Variants in ARHGAP11A observed in about 807,000 individuals in gnomAD.
ARHGAP11A encodes the protein rho GTPase-activating protein 11A.
In ARHGAP11A, 36 loss-of-function variants were observed where a neutral mutation model predicts 60.5. The observed-to-expected ratio is 0.59, with a 90% CI of 0.46 to 0.79. The LOEUF is 0.79. ARHGAP11A is among the 30% of genes least tolerant of loss of function. ARHGAP11A has a pLI of 0.00. For synonymous variants in ARHGAP11A, 362 were observed against 415.5 expected (o/e 0.87, Z 1.57); for missense variants, 1,071 against 1,199.2 (o/e 0.89, Z 1.58).
intron 8 of ARHGAP11A, among the ~76,000 whole-genome samples, chr15:32,631,599 C>T (rs546789759): frequency 5.9e-5 from 9 of 152,188 alleles, no homozygotes; most frequent in Non-Finnish European, 1.3e-4. Context: ...CATGCCTGGC[C>T]ATAATTTTCT....
intron 1 of ARHGAP11A, among the ~76,000 whole-genome samples, chr15:32,617,993 A>C (rs529862426): frequency 5.3e-5 from 8 of 152,322 alleles, no homozygotes; most frequent in East Asian, 1.9e-4. Context: ...CAGTGCGGGT[A>C]ACATGCCACT....
At position 32,625,537 on chromosome 15, in the gene ARHGAP11A, G is replaced by A. The variant is rs539857136; in HGVS notation, c.766G>A (p.Asp256Asn). The A allele has an allele frequency of 7.3e-5, 118 of 1,613,914 alleles. No individual in the cohort carries two copies. The highest frequency in any genetic ancestry group is 9.3e-5 in the Non-Finnish European group (110 of 1,179,820). ...LEKIPAMLGI[D>N]GLCATPSLEG... ...AAAGATACCAGCCATGTTGGGTATTGATGGTCTCTGTGCTACTCCATCACT... is the reference window on the plus strand; with the variant it reads ...AAAGATACCAGCCATGTTGGGTATTAATGGTCTCTGTGCTACTCCATCACT... Residue 256 changes from aspartate to asparagine, a missense_variant, in exon 6 of 12, where the codon GAT (aspartate) becomes AAT (asparagine). Physicochemically the swap from Asp to Asn is conservative, Grantham distance 23 (BLOSUM62 1). Coordinates refer to ENST00000361627, the MANE Select transcript of ARHGAP11A (RefSeq NM_014783.6).
chr15:32,618,765 C>T (rs1045713565), intron 1 of ARHGAP11A, among the ~76,000 whole-genome samples: 1 of 140,546 alleles, frequency 7.1e-6, no homozygotes, highest in Non-Finnish European at 1.6e-5. Context: ...GAAACCCCCC[C>T]CCCCCCGCCC....
Position 32,625,115 on chromosome 15 carries a change from C to A in ARHGAP11A, c.587C>A (p.Ala196Glu), listed in dbSNP as rs1218885426. 3.7e-6 allele frequency: 6 copies of A among 1,613,880 alleles called. No individual in the cohort carries two copies. The South Asian group carries it at 6.6e-5, about 18-fold the overall frequency. ...AATAAGATGGACAGCAGCAATCTTG[C>A]AGTAATATTTGCACCGAATCTTCTT... ...SENKMDSSNL[A>E]VIFAPNLLQT... is the part of the protein sequence containing the mutation. Residue 196 changes from alanine to glutamate, a missense_variant, in exon 5 of 12, where the codon GCA (alanine) becomes GAA (glutamate). Around this residue, in one of 4 missense-constraint regions of ARHGAP11A, gnomAD observed 196 missense variants for 272.1 expected, o/e 0.72. Transcript: ENST00000361627.
At position 32,637,209 on chromosome 15, in the gene ARHGAP11A, G is replaced by A. The variant is rs375541956; in HGVS notation, c.2436G>A (p.Gln812=). The stretch of plus-strand genomic sequence containing the variant: ...ATAGAAAGGTTTCTGATCACATACA[G>A]TGGTTTAACAAGCTTTCTTTAAATG... The part of the protein sequence containing the change: ...TEHRKVSDHI[Q]WFNKLSLNEP... The change falls in exon 12 of 12, where the codon CAG becomes CAA. Residue 812 remains glutamine (Q), a synonymous_variant. Transcript: ENST00000361627. The A allele has an allele frequency of 6.1e-5, 99 of 1,614,124 alleles. No homozygotes were observed. In the African/African-American group the frequency reaches 1.2e-3, roughly 19 times the overall value.
Position 32,633,106 on chromosome 15 carries a change from C to T in ARHGAP11A, c.1233C>T (p.Cys411=). 2.5e-6 allele frequency: 4 copies of T among 1,613,860 alleles called. No individual in the cohort carries two copies. Among genetic ancestry groups the T allele is most frequent in the Middle Eastern group, 1.7e-4 (1 of 6,054 alleles). Residue 411 remains cysteine, a splice_region_variant and synonymous_variant, in exon 9 of 12, where the codon TGC becomes TGT. Transcript: ENST00000361627. The stretch of plus-strand genomic sequence containing the variant: ...AAAGAATTGCAGGCAAAAAAGTTTG[C>T]AGGTACTTTATCCAGGACATTTTGT... ...RSKRIAGKKV[C]RVESGKAGCF...
chr15:32,637,827 T>C lies in ARHGAP11A; in HGVS notation c.3054T>C (p.Ser1018=). 6.3e-7 allele frequency: 1 copy of C among 1,597,772 alleles called. No homozygotes were observed. The highest frequency in any genetic ancestry group is 8.5e-7 in the Non-Finnish European group (1 of 1,174,334). ...GAAAAACTCAATTACTACCAACAAG[T>C]AAACCTGTAGATTTGTAATTGGTAA... ...PIGKTQLLPT[S]KPVDL The change falls in exon 12 of 12, where the codon AGT becomes AGC. Residue 1018 remains serine (S), a synonymous_variant. Transcript: ENST00000361627.
At position 32,615,589 on chromosome 15, in the gene ARHGAP11A, G is replaced by A. The variant is rs531229263; in HGVS notation, c.-623G>A. ...ACGGCTTGGCTTCAGTGAACGCACC[G>A]GGATGTGCAGGCCGGGAGGTAGAGG... On this transcript the variant is annotated 5_prime_UTR_variant, in exon 1 of 12. Transcript: ENST00000361627. 5.8e-3 allele frequency: 881 copies of A among 152,702 alleles called. 9 individuals carry two copies. Among genetic ancestry groups the A allele is most frequent in the South Asian group, 0.013 (65 of 4,848 alleles). The allele number at this position is 152,702 out of a possible 1,614,324, so 9.5% of individuals were successfully genotyped here. A position where few individuals can be genotyped will look rare whatever the true frequency, so the allele number is the denominator to read the frequency against.
chr15:32,627,514 G>C (rs1213084841), intron 6 of ARHGAP11A, among the ~76,000 whole-genome samples: 1 of 151,998 alleles, frequency 6.6e-6, no homozygotes, highest in South Asian at 2.1e-4. Context: ...CGGATCATGA[G>C]GTCAGGAGAT....
Position 32,639,576 on chromosome 15 carries a change from A to G in ARHGAP11A, c.*1731A>G, listed in dbSNP as rs1372330391. On this transcript the variant is annotated 3_prime_UTR_variant, in exon 12 of 12. Coordinates refer to ENST00000361627, the MANE Select transcript of ARHGAP11A (RefSeq NM_014783.6). ...GTTGAATTTGAAGACTAATTCAGTA[A>G]GAAGTCCTAGGGGTTTAACTGTACA... 1 of 152,238 alleles carries G rather than the reference A, an allele frequency of 6.6e-6. No individual in the cohort carries two copies. The highest frequency in any genetic ancestry group is 1.5e-5 in the Non-Finnish European group (1 of 68,034). 9.4% of individuals were successfully genotyped at this position (152,238 alleles called of 1,614,324 possible).
At position 32,624,426 on chromosome 15, in the gene ARHGAP11A, G is replaced by T; in HGVS notation, c.551G>T (p.Arg184Ile). 1 of 1,608,106 alleles carries T rather than the reference G, an allele frequency of 6.2e-7. No individual in the cohort carries two copies. The highest frequency in any genetic ancestry group is 8.5e-7 in the Non-Finnish European group (1 of 1,178,246). Residue 184 changes from arginine to isoleucine, a missense_variant and splice_region_variant, in exon 4 of 12, where the codon AGA becomes ATA. By Grantham distance (97) the Arg-to-Ile change is moderately conservative (BLOSUM62 -3). This residue lies in a region of ARHGAP11A where 196 missense variants were observed against 272.1 expected (regional missense o/e 0.72). Coordinates refer to ENST00000361627, the MANE Select transcript of ARHGAP11A (RefSeq NM_014783.6). ...FFNFLRNVSL[R>I]SSENKMDSSN... is the part of the protein sequence containing the mutation. Reference sequence around the variant, plus strand: ...AACTTTCTCAGGAATGTTTCTCTTAGGTAAGTGGTAATTAAAACTCTTGGC... The same window carrying T: ...AACTTTCTCAGGAATGTTTCTCTTATGTAAGTGGTAATTAAAACTCTTGGC...
intron 3 of ARHGAP11A, 64 bp from the exon 4 acceptor site, chr15:32,624,109 G>T (rs1332213001): frequency 2.5e-6 from 4 of 1,606,796 alleles, no homozygotes; most frequent in African/African-American, 1.3e-5. Flanking sequence ...TATAACAAAA[G>T]ATACTTTATT....
At chr15:32,619,535 T>G (rs1360612478) in intron 1 of ARHGAP11A, among the ~76,000 whole-genome samples, 1 of 151,682 alleles carries the variant, frequency 6.6e-6, no homozygotes, top group Non-Finnish European at 1.5e-5. Flanking sequence ...CCTGCCTTGC[T>G]TACTGCAGGG....
chr15:32,629,810 G>A, intron 8 of ARHGAP11A, 48 bp downstream of exon 8: 1 of 1,395,646 alleles, frequency 7.2e-7, no homozygotes. Flanking sequence ...TAAAATGAGT[G>A]CCTATTCTGG....
At position 32,636,432 on chromosome 15, in the gene ARHGAP11A, T is replaced by C; in HGVS notation, c.1659T>C (p.Asp553=). The stretch of plus-strand genomic sequence containing the variant: ...AGGTAGAAAACTCTTTGGAGCCTGA[T>C]ATTATGGTAGAAAAGTCACCTGCTA... ...NLEVENSLEP[D]IMVEKSPATS... Residue 553 remains aspartate (D), a synonymous_variant, in exon 12 of 12, where the codon GAT becomes GAC. Coordinates refer to ENST00000361627, the MANE Select transcript of ARHGAP11A (RefSeq NM_014783.6). 2 of 1,614,002 alleles carry C rather than the reference T, an allele frequency of 1.2e-6. No homozygotes were observed. The highest frequency in any genetic ancestry group is 1.7e-6 in the Non-Finnish European group (2 of 1,179,944).
In ARHGAP11A at chr15:32,624,381, A is replaced by C; in HGVS notation, c.506A>C (p.His169Pro). Residue 169 changes from histidine to proline, a missense_variant, in exon 4 of 12, where the codon CAT (histidine) becomes CCT (proline). Coordinates refer to ENST00000361627, the MANE Select transcript of ARHGAP11A (RefSeq NM_014783.6). ...LSCLLADHTV[H>P]VLRYFFNFLR... ...TGTCTTCTGGCTGACCACACAGTTC[A>C]TGTATTAAGATACTTCTTTAACTTT... 5.0e-6 allele frequency: 8 copies of C among 1,613,926 alleles called. No individual in the cohort carries two copies. The highest frequency in any genetic ancestry group is 1.3e-5 in the African/African-American group (1 of 75,048).
At position 32,637,846 on chromosome 15, in the gene ARHGAP11A, T is replaced by C. The variant is rs2053761848; in HGVS notation, c.*1T>C. On this transcript the variant is annotated 3_prime_UTR_variant, in exon 12 of 12. Coordinates refer to ENST00000361627, the MANE Select transcript of ARHGAP11A (RefSeq NM_014783.6). ...AACAAGTAAACCTGTAGATTTGTAA[T>C]TGGTAAATGTTATACTTGTCATTAA... 5.1e-6 allele frequency: 8 copies of C among 1,580,522 alleles called. No individual in the cohort carries two copies. The highest frequency in any genetic ancestry group is 2.4e-5 in the South Asian group (2 of 84,664).
rs1019364622 is a variant in ARHGAP11A at position 32,625,108 on chromosome 15, A to C, written c.580A>C (p.Asn194His). Residue 194 changes from asparagine (N) to histidine (H), a missense_variant, in exon 5 of 12, where the codon AAT (asparagine) becomes CAT (histidine). Transcript: ENST00000361627. Reference protein sequence around the residue: ...RSSENKMDSSNLAVIFAPNLL... With the variant: ...RSSENKMDSSHLAVIFAPNLL... ...CAGTGAGAATAAGATGGACAGCAGC[A>C]ATCTTGCAGTAATATTTGCACCGAA... 2 of 1,613,954 alleles carry C rather than the reference A, an allele frequency of 1.2e-6. No homozygotes were observed. Among genetic ancestry groups the C allele is most frequent in the Non-Finnish European group, 1.7e-6 (2 of 1,179,832 alleles).
At chr15:32,618,393 T>C (rs2053212387) in intron 1 of ARHGAP11A, among the ~76,000 whole-genome samples, 1 of 152,194 alleles carries the variant, frequency 6.6e-6, no homozygotes, top group Non-Finnish European at 1.5e-5. Context: ...AAATTCTGAT[T>C]TACCCAATAA....
Sources: gnomAD v4.1 joint callset for allele counts (sites outside exome capture counted in the v4.1 genomes callset) on GRCh38, gnomAD v4.1.1 for gene constraint, gnomAD v4.1.1 regional missense constraint, MANE v1.5 for transcripts, NCBI Gene and HGNC (gene_info 2026-07-23, HGNC 2026-07-21) for gene names.